The following ZNF350 variants were observed in gnomAD, a reference collection of about 807,000 sequenced individuals.
The protein encoded by ZNF350 is KRAB zinc finger protein ZFQR.
A neutral mutation model predicts 13.1 loss-of-function variants in ZNF350; 5 were observed. The observed-to-expected ratio is 0.38, with a 90% CI of 0.20 to 0.80. The LOEUF is 0.80. ZNF350 is among the 30% of genes least tolerant of loss of function. The pLI is 0.43. For missense variants in ZNF350, 534 were observed against 644.2 expected, an observed-to-expected ratio of 0.83 and a Z score of 1.85; for synonymous variants, 199 against 224.2, an observed-to-expected ratio of 0.89 and a Z score of 1.00.
rs202054246 is a variant in ZNF350 at position 51,975,429 on chromosome 19, TA to T, written c.-171-899del. ...GGTCAAAAAGAGCGAAACCTCGTCTTAAAAAAAAAAAAAAAAAAAAAAACTA... is the reference window on the plus strand; with the variant it reads ...GGTCAAAAAGAGCGAAACCTCGTCTTAAAAAAAAAAAAAAAAAAAAAACTA... On this transcript the variant is annotated intron_variant, in intron 1 of 4. Coordinates refer to ENST00000243644, the MANE Select transcript of ZNF350 (RefSeq NM_021632.4). Among the ~76,000 whole-genome samples, 322 of 88,952 alleles carry T rather than the reference TA, an allele frequency of 3.6e-3. 2 individuals carry two copies. In the East Asian group the frequency reaches 0.042, roughly 12 times the overall value. 58.4% of individuals were successfully genotyped at this position (88,952 alleles called of 152,430 possible). A position where few individuals can be genotyped will look rare whatever the true frequency, so the allele number is the denominator to read the frequency against.
At chr19:51,984,312 A>C (rs183608983) in intron 1 of ZNF350, 1 of 152,310 alleles carries the variant, frequency 6.6e-6, no homozygotes, top group African/African-American at 2.4e-5. Flanking sequence ...CATATCAATA[A>C]AGCTTTAAAG....
intron 1 of ZNF350, among the ~76,000 whole-genome samples, chr19:51,982,579 A>T (rs927403130): frequency 3.0e-4 from 45 of 152,252 alleles, no homozygotes; most frequent in African/African-American, 1.1e-3. Context: ...TGGGCTGGAA[A>T]ACAAAGCATT....
intron 1 of ZNF350, among the ~76,000 whole-genome samples, chr19:51,986,093 G>A (rs1031603641): frequency 1.3e-5 from 2 of 152,204 alleles, no homozygotes; most frequent in Non-Finnish European, 2.9e-5. Flanking sequence ...CGAGGTCTCT[G>A]TCACAACAAC....
Position 51,966,445 on chromosome 19 carries a change from G to A in ZNF350, c.239-231C>T, listed in dbSNP as rs527940882. Among the ~76,000 whole-genome samples the A allele has an allele frequency of 1.5e-4, 23 of 151,248 alleles. No individual in the cohort carries two copies. The East Asian group carries it at 1.6e-3, about 10-fold the overall frequency. On this transcript the variant is annotated intron_variant, in intron 4 of 4. Transcript: ENST00000243644. ...ATTACAGGTGCCTGCTACCATGCCC[G>A]GCTAATTTTTGTAGTTTTACTACAG...
chr19:51,971,141 A>G (rs1432167078), intron 2 of ZNF350, among the ~76,000 whole-genome samples: 1 of 152,220 alleles, frequency 6.6e-6, no homozygotes, highest in Admixed American at 6.5e-5. Flanking sequence ...AAATTGAGTC[A>G]TTGAAGACCC....
At chr19:51,982,220 T>C (rs750534556) in intron 1 of ZNF350, among the ~76,000 whole-genome samples, 4 of 151,896 alleles carry the variant, frequency 2.6e-5, no homozygotes, top group Non-Finnish European at 5.9e-5. Context: ...TAAAACCCCA[T>C]AGTTAACAAT....
chr19:51,968,761 G>A, intron 3 of ZNF350, 88 bp from the exon 4 acceptor site: 1 of 1,471,410 alleles, frequency 6.8e-7, no homozygotes, highest in Non-Finnish European at 9.3e-7. Context: ...CAAGAAACTT[G>A]AGTTTCTTAA....
chr19:51,968,344 C>T, intron 4 of ZNF350: 1 of 523,794 alleles, frequency 1.9e-6, no homozygotes, highest in South Asian at 2.3e-5. Flanking sequence ...ATTATGCAGG[C>T]AAACAAACAA....
intron 4 of ZNF350, chr19:51,967,222 T>C (rs997628382): frequency 6.6e-6 from 1 of 152,234 alleles, no homozygotes; most frequent in Admixed American, 6.5e-5. Flanking sequence ...TGGAGGCCCA[T>C]TTCGTCCAAA....
intron 3 of ZNF350, 113 bp downstream of exon 3, chr19:51,968,892 A>T: frequency 6.2e-7 from 1 of 1,603,354 alleles, no homozygotes; most frequent in African/African-American, 1.3e-5. Context: ...CAAGAGAAGG[A>T]TCTGAGAATC....
Position 51,983,554 on chromosome 19 carries a change from A to C in ZNF350, c.-172+3216T>G, listed in dbSNP as rs563851489. ...CACCTTATAACTAAAGGTGAGACATACTGGCGGCAATACTACTCTTTACTA... is the reference window on the plus strand; with the variant it reads ...CACCTTATAACTAAAGGTGAGACATCCTGGCGGCAATACTACTCTTTACTA... On this transcript the variant is annotated intron_variant, in intron 1 of 4. Coordinates refer to ENST00000243644, the MANE Select transcript of ZNF350 (RefSeq NM_021632.4). 5.0e-3 allele frequency among the ~76,000 whole-genome samples: 756 copies of C among 152,350 alleles called. 4 individuals are homozygous for C. Among genetic ancestry groups the C allele is most frequent in the Non-Finnish European group, 8.1e-3 (550 of 68,036 alleles).
chr19:51,966,377 G>A (rs932485530), intron 4 of ZNF350, among the ~76,000 whole-genome samples, 163 bp from the exon 5 acceptor site: 3 of 149,612 alleles, frequency 2.0e-5, no homozygotes, highest in African/African-American at 4.9e-5. Context: ...TCTGCTTCCC[G>A]GGTTCAAGGG....
chr19:51,975,463 T>C (rs2085867288), intron 1 of ZNF350, among the ~76,000 whole-genome samples: 1 of 142,418 alleles, frequency 7.0e-6, no homozygotes, highest in South Asian at 2.3e-4. Flanking sequence ...CTAGTAATTG[T>C]TTTAAAGTAC....
At chr19:51,977,043 T>C (rs755729505) in intron 1 of ZNF350, among the ~76,000 whole-genome samples, 22 of 152,192 alleles carry the variant, frequency 1.4e-4, no homozygotes, top group Non-Finnish European at 2.9e-4. Context: ...AAAATTGGCC[T>C]ATACTGCCTC....
At chr19:51,971,275 GCTAT>G (rs562356954) in intron 2 of ZNF350, among the ~76,000 whole-genome samples, 1 of 152,172 alleles carries the variant, frequency 6.6e-6, no homozygotes, top group South Asian at 2.1e-4. Flanking sequence ...ATGTGAGATA[GCTAT>G]CTATTTGGAA....
Position 51,965,313 on chromosome 19 carries a change from C to G in ZNF350, c.1140G>C (p.Gly380=), listed in dbSNP as rs1599923162. The change falls in exon 5 of 5, where the codon GGG becomes GGC. Residue 380 remains glycine, a synonymous_variant. Coordinates refer to ENST00000243644, the MANE Select transcript of ZNF350 (RefSeq NM_021632.4). The stretch of plus-strand genomic sequence containing the variant: ...GCTTTTGCTTTGTGCTAAAGGCTTT[C>G]CCACATTCACTACATTCAAAGGGTT... ...GEKPFECSEC[G]KAFSTKQKLI... 1 of 1,613,890 alleles carries G rather than the reference C, an allele frequency of 6.2e-7. No individual in the cohort carries two copies.
intron 1 of ZNF350, among the ~76,000 whole-genome samples, chr19:51,978,470 T>C (rs1271231563): frequency 6.6e-6 from 1 of 152,232 alleles, no homozygotes; most frequent in African/African-American, 2.4e-5. Flanking sequence ...GTTTTTGAAC[T>C]GGGAGAATAT....
At chr19:51,975,429 TAAAAAA>T (rs202054246) in intron 1 of ZNF350, among the ~76,000 whole-genome samples, 4 of 88,994 alleles carry the variant, frequency 4.5e-5, no homozygotes, top group African/African-American at 2.0e-4. Context: ...AACCTCGTCT[TAAAAAA>T]AAAAAAAAAA....
rs1337556121 is a variant in ZNF350 at position 51,964,908 on chromosome 19, C to T, written c.1545G>A (p.Val515=). ...QDRNLVNAVN[V]VVPSVINYVL... ...CATAATTGATCACGGAAGGCACAAC[C>T]ACATTCACTGCATTCACAAGGTTTC... The change falls in exon 5 of 5, where the codon GTG becomes GTA. Residue 515 remains valine, a synonymous_variant. Transcript: ENST00000243644. The T allele has an allele frequency of 1.2e-6, 2 of 1,614,008 alleles. No individual in the cohort carries two copies. Among genetic ancestry groups the T allele is most frequent in the Admixed American group, 1.7e-5 (1 of 59,996 alleles).
Sources: gnomAD v4.1 joint callset for allele counts (sites outside exome capture counted in the v4.1 genomes callset) on GRCh38, gnomAD v4.1.1 for gene constraint, MANE v1.5 for transcripts, NCBI Gene and HGNC (gene_info 2026-07-23, HGNC 2026-07-21) for gene names.